Variants in ZNF385D observed in about 807,000 individuals in gnomAD.
ZNF385D encodes the protein zinc finger protein 659.
A neutral mutation model predicts 35.8 loss-of-function variants in ZNF385D; 15 were observed. That is an observed-to-expected ratio of 0.42 (90% CI 0.28 to 0.64). The LOEUF is 0.64. ZNF385D is among the 30% of genes least tolerant of loss of function. The pLI is 0.23. For missense variants in ZNF385D, 474 were observed against 494.6 expected (o/e 0.96, Z 0.39); for synonymous variants, 212 against 186.8 (o/e 1.13, Z -1.10).
chr3:21,947,153 A>G (rs1164467903), intron 3 of ZNF385D, among the ~76,000 whole-genome samples: 2 of 152,210 alleles, frequency 1.3e-5, no homozygotes, highest in Admixed American at 1.3e-4. Flanking sequence ...TTAATATACC[A>G]CTTGGATATA....
At chr3:21,981,802 C>A (rs1009736581) in intron 3 of ZNF385D, among the ~76,000 whole-genome samples, 1 of 152,260 alleles carries the variant, frequency 6.6e-6, no homozygotes, top group East Asian at 1.9e-4. Context: ...TTTCCCAGCA[C>A]CATTTATTGA....
intron 3 of ZNF385D, among the ~76,000 whole-genome samples, chr3:21,912,274 C>T (rs1451364749): frequency 1.3e-5 from 2 of 150,770 alleles, no homozygotes; most frequent in Admixed American, 6.6e-5. Flanking sequence ...CAATAATAAC[C>T]CCAAGTAGTT....
intron 3 of ZNF385D, among the ~76,000 whole-genome samples, chr3:21,819,998 T>A (rs1326572797): frequency 6.6e-6 from 1 of 150,718 alleles, no homozygotes; most frequent in Non-Finnish European, 1.5e-5. Context: ...CAATGAATCA[T>A]CATAATACAC....
chr3:22,246,321 C>T (rs553326558), intron 2 of ZNF385D, among the ~76,000 whole-genome samples: 1 of 152,056 alleles, frequency 6.6e-6, no homozygotes, highest in East Asian at 1.9e-4. Flanking sequence ...TTTGGTTGAC[C>T]TCTGTCTACT....
At chr3:22,315,292 A>T (rs1703823719) in intron 2 of ZNF385D, among the ~76,000 whole-genome samples, 1 of 152,186 alleles carries the variant, frequency 6.6e-6, no homozygotes, top group Non-Finnish European at 1.5e-5. Context: ...GACTTGTTTT[A>T]TAGATATTTT....
intron 3 of ZNF385D, among the ~76,000 whole-genome samples, chr3:21,760,499 C>A (rs2070556065): frequency 6.6e-6 from 1 of 152,178 alleles, no homozygotes; most frequent in South Asian, 2.1e-4. Flanking sequence ...GTTATTACTG[C>A]TACTTATATG....
At chr3:22,020,685 A>C (rs140985478) in intron 3 of ZNF385D, among the ~76,000 whole-genome samples, 7 of 152,180 alleles carry the variant, frequency 4.6e-5, no homozygotes, top group Admixed American at 2.0e-4. Context: ...TTAGAATGCA[A>C]ATTAGTATAG....
intron 3 of ZNF385D, among the ~76,000 whole-genome samples, chr3:21,803,631 A>G (rs904320313): frequency 3.9e-5 from 6 of 152,200 alleles, no homozygotes; most frequent in Admixed American, 2.0e-4. Context: ...CATAAAAGCT[A>G]TATATATCAT....
chr3:21,440,135 T>C (rs1701782756), intron 4 of ZNF385D, among the ~76,000 whole-genome samples: 1 of 152,118 alleles, frequency 6.6e-6, no homozygotes, highest in Non-Finnish European at 1.5e-5. Context: ...TTTAGCATTA[T>C]GACTTATTCA....
At chr3:21,762,304 A>G (rs1483982771) in intron 3 of ZNF385D, among the ~76,000 whole-genome samples, 1 of 152,026 alleles carries the variant, frequency 6.6e-6, no homozygotes, top group East Asian at 1.9e-4. Context: ...TTCATAATCA[A>G]ACTTCTACAA....
rs1698775675 is a variant in ZNF385D at position 22,043,180 on chromosome 3, A to C, written c.325+125637T>G. Among the ~76,000 whole-genome samples, 3 of 152,220 alleles carry C rather than the reference A, an allele frequency of 2.0e-5. No homozygotes were observed. In the South Asian group the frequency reaches 6.2e-4, roughly 32 times the overall value. On this transcript the variant is annotated intron_variant, in intron 3 of 5. Coordinates refer to the ZNF385D transcript ENST00000494108. ...ATTTATCCCTAATGTTAAGAAAACA[A>C]AACAATAGCACTAAATTTATCAATG... is the stretch of plus-strand genomic sequence containing the variant.
intron 3 of ZNF385D, among the ~76,000 whole-genome samples, chr3:22,129,260 C>G (rs916773561): frequency 6.6e-6 from 1 of 152,194 alleles, no homozygotes; most frequent in South Asian, 2.1e-4. Flanking sequence ...ATGGCCACCA[C>G]AGCTGGGACT....
intron 3 of ZNF385D, among the ~76,000 whole-genome samples, chr3:21,757,116 TTC>T (rs991270650): frequency 1.8e-5 from 2 of 112,122 alleles, no homozygotes; most frequent in Non-Finnish European, 3.6e-5. Flanking sequence ...TATGATAAAT[TTC>T]TCTTTTTTTT....
At chr3:22,113,694 C>G (rs1490284862) in intron 3 of ZNF385D, among the ~76,000 whole-genome samples, 1 of 151,788 alleles carries the variant, frequency 6.6e-6, no homozygotes, top group Non-Finnish European at 1.5e-5. Context: ...GAGGTATTGA[C>G]CAAATACAAA....
chr3:21,471,206 C>T (rs1193602652), intron 4 of ZNF385D, among the ~76,000 whole-genome samples: 1 of 151,634 alleles, frequency 6.6e-6, no homozygotes, highest in Non-Finnish European at 1.5e-5. Flanking sequence ...ATATTCCCTT[C>T]CTTCCAGGAT....
intron 3 of ZNF385D, among the ~76,000 whole-genome samples, chr3:22,089,865 C>G (rs540380005): frequency 6.6e-6 from 1 of 152,198 alleles, no homozygotes; most frequent in Non-Finnish European, 1.5e-5. Context: ...GAGATGGAGT[C>G]TTGCTCTGTG....
chr3:21,830,428 C>T (rs188276914), intron 3 of ZNF385D, among the ~76,000 whole-genome samples: 124 of 152,210 alleles, frequency 8.1e-4, no homozygotes, highest in Non-Finnish European at 1.4e-3. Context: ...GATTTATATT[C>T]CTCTGGTATA....
At chr3:21,769,624 A>G (rs1160185495) in intron 3 of ZNF385D, among the ~76,000 whole-genome samples, 3 of 109,650 alleles carry the variant, frequency 2.7e-5, no homozygotes, top group Non-Finnish European at 5.5e-5. Context: ...ATGCTCATGG[A>G]TAGGAAGAAT....
intron 3 of ZNF385D, among the ~76,000 whole-genome samples, chr3:22,027,445 C>G (rs1372158753): frequency 6.6e-6 from 1 of 152,150 alleles, no homozygotes; most frequent in East Asian, 1.9e-4. Flanking sequence ...CTGTTTCAAG[C>G]CTTTGGCAGG....
Sources: gnomAD v4.1 joint callset for allele counts (sites outside exome capture counted in the v4.1 genomes callset) on GRCh38, gnomAD v4.1.1 for gene constraint, MANE v1.5 for transcripts, NCBI Gene and HGNC (gene_info 2026-07-23, HGNC 2026-07-21) for gene names.